OSBP2: variants seen among roughly 807,000 people sequenced by gnomAD.
OSBP2 encodes oxysterol-binding protein 2.
In OSBP2, 66 loss-of-function variants were observed where a neutral mutation model predicts 96.0. That is an observed-to-expected ratio of 0.69 (90% confidence interval 0.56 to 0.84). The LOEUF is 0.84. Ranked by LOEUF, OSBP2 falls within the 40% of genes least tolerant of loss-of-function variation. OSBP2 has a pLI of 0.00. For synonymous variants in OSBP2, 525 were observed against 520.9 expected, an observed-to-expected ratio of 1.01 and a Z score of -0.11; for missense variants, 1,038 against 1,222.7, an observed-to-expected ratio of 0.85 and a Z score of 2.25.
chr22:30,729,647 ATATATATGTGTGTG>A (rs975766946), intron 1 of OSBP2, among the ~76,000 whole-genome samples: 40 of 152,060 alleles, frequency 2.6e-4, no homozygotes, highest in Non-Finnish European at 3.7e-4. Flanking sequence ...CAAAATATAT[ATATATATGTGTGTG>A]TATATATGTG....
intron 3 of OSBP2, among the ~76,000 whole-genome samples, chr22:30,873,118 G>A (rs1379999820): frequency 6.6e-6 from 1 of 152,214 alleles, no homozygotes; most frequent in African/African-American, 2.4e-5. Flanking sequence ...GATTGTTAGT[G>A]TCAACGTGGA....
rs1166478053 is a variant in OSBP2, at chr22:30,893,848, A to G, written c.2222A>G (p.Lys741Arg). 7 of 1,588,320 alleles carry G rather than the reference A, an allele frequency of 4.4e-6. No homozygotes were observed. The highest frequency in any genetic ancestry group is 5.1e-6 in the Non-Finnish European group (6 of 1,167,242). ...VTGVVSDSQG[K>R]AHYVLSGSWD... ...GGAGTGGTGAGTGACAGCCAGGGCA[A>G]GGCCCATTACGTGCTGTCCGGCTCG... Residue 741 changes from lysine to arginine, a missense_variant, in exon 12 of 14, where the codon AAG becomes AGG. This residue lies in a region of OSBP2 where 737 missense variants were observed against 913.3 expected (regional missense o/e 0.81). Coordinates refer to ENST00000332585, the MANE Select transcript of OSBP2 (RefSeq NM_030758.4).
At chr22:30,880,701 G>A (rs989011032) in intron 3 of OSBP2, among the ~76,000 whole-genome samples, 4 of 152,180 alleles carry the variant, frequency 2.6e-5, no homozygotes, top group African/African-American at 4.8e-5. Context: ...TTGCTCTCCC[G>A]CCTGGCCTGG....
At chr22:30,742,861 C>G (rs781616471) in intron 2 of OSBP2, among the ~76,000 whole-genome samples, 1 of 152,106 alleles carries the variant, frequency 6.6e-6, no homozygotes, top group Non-Finnish European at 1.5e-5. Flanking sequence ...TCCAGGAAGC[C>G]GGCTTGCTGG....
At chr22:30,756,929 A>G (rs1236894671) in intron 2 of OSBP2, among the ~76,000 whole-genome samples, 2 of 151,388 alleles carry the variant, frequency 1.3e-5, no homozygotes, top group Non-Finnish European at 2.9e-5. Flanking sequence ...TTCTGCAGTG[A>G]CCCTCCCAGC....
chr22:30,787,577 G>A (rs988792650), intron 2 of OSBP2, among the ~76,000 whole-genome samples: 11 of 152,194 alleles, frequency 7.2e-5, no homozygotes, highest in Non-Finnish European at 1.6e-4. Context: ...GGAGGCTGAA[G>A]CATGAGAATC....
chr22:30,853,677 C>T (rs982340619), intron 2 of OSBP2, among the ~76,000 whole-genome samples: 2 of 151,918 alleles, frequency 1.3e-5, no homozygotes, highest in Non-Finnish European at 2.9e-5. Context: ...TTTTTCTCAT[C>T]TACTTTTCAC....
chr22:30,724,516 C>T (rs2089609383), intron 1 of OSBP2, among the ~76,000 whole-genome samples: 1 of 152,186 alleles, frequency 6.6e-6, no homozygotes, highest in Admixed American at 6.5e-5. Flanking sequence ...CCACCATGCC[C>T]AGCTTCCACC....
rs372254197 is a variant in OSBP2 at position 30,854,999 on chromosome 22, G to A, written c.854-15430G>A. ...AGCCAACTTATAAAACCATCAGATC[G>A]CGTGGGAACTGTCACAAGAACAGTA... is the stretch of plus-strand genomic sequence containing the variant. On this transcript the variant is annotated intron_variant, in intron 2 of 13. Coordinates refer to ENST00000332585, the MANE Select transcript of OSBP2 (RefSeq NM_030758.4). Among the ~76,000 whole-genome samples, 13 of 152,134 alleles carry A rather than the reference G, an allele frequency of 8.5e-5. No individual in the cohort carries two copies. The South Asian group carries it at 1.0e-3, about 12-fold the overall frequency.
intron 2 of OSBP2, among the ~76,000 whole-genome samples, chr22:30,772,109 C>T (rs1159045142): frequency 6.6e-6 from 1 of 152,202 alleles, no homozygotes; most frequent in African/African-American, 2.4e-5. Context: ...AGGCTCTGCT[C>T]TGACCTTGCA....
intron 1 of OSBP2, among the ~76,000 whole-genome samples, chr22:30,701,544 C>T (rs980051651): frequency 3.9e-5 from 6 of 151,952 alleles, no homozygotes; most frequent in South Asian, 2.1e-4. Context: ...GGGGTTTCAC[C>T]ATGTTAGCCA....
intron 1 of OSBP2, among the ~76,000 whole-genome samples, chr22:30,724,777 G>C (rs545270527): frequency 1.3e-5 from 2 of 152,156 alleles, no homozygotes; most frequent in Non-Finnish European, 2.9e-5. Flanking sequence ...GCTTTAGCTT[G>C]TGAACTGTGC....
intron 1 of OSBP2, among the ~76,000 whole-genome samples, chr22:30,726,024 C>G (rs1569098186): frequency 6.6e-6 from 1 of 152,110 alleles, no homozygotes; most frequent in Non-Finnish European, 1.5e-5. Flanking sequence ...AAGTGATATG[C>G]CCACCTCAGC....
At chr22:30,777,077 T>C (rs136313) in intron 2 of OSBP2, among the ~76,000 whole-genome samples, 61,888 of 152,086 alleles carry the variant, frequency 0.41, 13,442 homozygotes, top group African/African-American at 0.57. Context: ...TTTACAGGCT[T>C]ATAAGCAGAA....
intron 8 of OSBP2, among the ~76,000 whole-genome samples, chr22:30,892,268 G>A (rs1043637968): frequency 2.0e-5 from 3 of 152,160 alleles, no homozygotes; most frequent in South Asian, 2.1e-4. Context: ...AGGTATAGGC[G>A]AGGAGGAGGC....
chr22:30,781,804 G>A (rs1244730308), intron 2 of OSBP2, among the ~76,000 whole-genome samples: 1 of 152,190 alleles, frequency 6.6e-6, no homozygotes, highest in Admixed American at 6.5e-5. Context: ...GAAATGTAGA[G>A]TTTCCTGATG....
At chr22:30,868,785 T>C (rs1305348155) in intron 2 of OSBP2, among the ~76,000 whole-genome samples, 2 of 152,204 alleles carry the variant, frequency 1.3e-5, no homozygotes, top group Non-Finnish European at 2.9e-5. Context: ...TGCAGCTGGC[T>C]GGCCTGACCC....
intron 1 of OSBP2, among the ~76,000 whole-genome samples, chr22:30,707,555 A>G (rs2089274231): frequency 6.6e-6 from 1 of 151,572 alleles, no homozygotes; most frequent in Non-Finnish European, 1.5e-5. Context: ...TCTACTAAAA[A>G]TACACAAAAA....
chr22:30,845,456 G>T (rs1003783918), intron 2 of OSBP2, among the ~76,000 whole-genome samples: 5 of 151,680 alleles, frequency 3.3e-5, no homozygotes, highest in African/African-American at 1.2e-4. Flanking sequence ...TAAATAAATT[G>T]TTATATTGTA....
Sources: allele counts gnomAD v4.1 joint callset (sites outside exome capture counted in the v4.1 genomes callset), GRCh38; gene constraint gnomAD v4.1.1; regional missense constraint gnomAD v4.1.1; transcripts MANE v1.5; gene names NCBI Gene and HGNC (gene_info 2026-07-23, HGNC 2026-07-21).